The following RNF6 variants were observed in gnomAD, a reference collection of about 807,000 sequenced individuals.
RNF6 encodes the protein E3 ubiquitin-protein ligase RNF6.
Under a neutral mutation model 50.1 loss-of-function variants are expected in RNF6, and 21 were observed. The ratio of observed to expected loss-of-function variants is 0.42; its 90% confidence interval spans 0.30 to 0.60. The LOEUF (loss-of-function observed/expected upper bound fraction) is 0.60, where lower values mean the gene tolerates loss of function less well. Among genes scored for constraint, RNF6 ranks in the 20% least tolerant of loss-of-function variants. The pLI, the probability that RNF6 is intolerant of heterozygous loss-of-function variation, is 0.20. For synonymous variants in RNF6, 255 were observed against 291.8 expected (o/e 0.87, Z 1.29); for missense variants, 698 against 838.2 (o/e 0.83, Z 2.07).
chr13:26,164,029 G>GA (rs940309790), intron 5 of RNF6, among the ~76,000 whole-genome samples: 19 of 152,058 alleles, frequency 1.2e-4, no homozygotes, highest in South Asian at 2.1e-4. Flanking sequence ...TAATTCACTG[G>GA]AAAAAATACT....
At chr13:26,173,560 G>A (rs908482008) in intron 5 of RNF6, among the ~76,000 whole-genome samples, 1 of 152,030 alleles carries the variant, frequency 6.6e-6, no homozygotes, top group East Asian at 1.9e-4. Context: ...AAAATTTCAG[G>A]CCTAAAAAAC....
downstream of RNF6, among the ~76,000 whole-genome samples, chr13:26,209,592 A>G (rs9581590): frequency 3.3e-5 from 5 of 152,200 alleles, no homozygotes; most frequent in Non-Finnish European, 7.3e-5. Context: ...GACACTACCT[A>G]GAAAACCTGA....
chr13:26,219,444 A>G lies in RNF6; in HGVS notation c.193+13T>C, dbSNP rs376531500. The G allele has an allele frequency of 1.5e-5, 24 of 1,581,584 alleles. No individual in the cohort carries two copies. In the African/African-American group the frequency reaches 2.7e-4, roughly 18 times the overall value. On this transcript the variant is annotated intron_variant, in intron 3 of 4. Transcript: ENST00000381588. The stretch of plus-strand genomic sequence containing the variant: ...ATGAAAAAAGGGTGTTTCCTCTTTT[A>G]CCCATCTCTTACCAGGGGTGCCTAA...
At chr13:26,196,433 CTG>C (rs1197150398) in intron 5 of RNF6, among the ~76,000 whole-genome samples, 1 of 152,168 alleles carries the variant, frequency 6.6e-6, no homozygotes, top group South Asian at 2.1e-4. Context: ...GGTGGATCAT[CTG>C]AGGTTAGGAG....
intron 5 of RNF6, among the ~76,000 whole-genome samples, chr13:26,178,726 A>G (rs1486580589): frequency 1.3e-5 from 2 of 151,610 alleles, no homozygotes; most frequent in East Asian, 3.9e-4. Context: ...TGTATATTAG[A>G]TCTCCAGAAT....
rs1408245032 is a variant in RNF6, at chr13:26,218,505, T to C, written c.289+6A>G. Reference sequence around the variant, plus strand: ...CCTGTTCCTTATGGAAAGGACTCCATAGTACCTCTGTAATTCGTTCCATCT... The same window carrying C: ...CCTGTTCCTTATGGAAAGGACTCCACAGTACCTCTGTAATTCGTTCCATCT... On this transcript the variant is annotated splice_donor_region_variant and intron_variant, in intron 4 of 4. Transcript: ENST00000381588. 2 of 1,608,918 alleles carry C rather than the reference T, an allele frequency of 1.2e-6. No homozygotes were observed. The highest frequency in any genetic ancestry group is 1.7e-6 in the Non-Finnish European group (2 of 1,175,374).
intron 5 of RNF6, among the ~76,000 whole-genome samples, chr13:26,162,160 C>T (rs80220761): frequency 0.12 from 18,082 of 151,998 alleles, 1,420 homozygotes; most frequent in Admixed American, 0.2. Flanking sequence ...AAAAACTAAC[C>T]AACGCAGAGC....
chr13:26,151,613 CTTTTTTTCTTTTTT>C (rs1278301986), intron 5 of RNF6, among the ~76,000 whole-genome samples: 2 of 40,526 alleles, frequency 4.9e-5, no homozygotes, highest in Non-Finnish European at 1.2e-4. Flanking sequence ...TCCTTTTTTT[CTTTTTTTCTTTTTT>C]TTTTTTTGGC....
chr13:26,178,917 A>G (rs993192882), intron 5 of RNF6, among the ~76,000 whole-genome samples: 5 of 152,164 alleles, frequency 3.3e-5, no homozygotes, highest in Non-Finnish European at 5.9e-5. Context: ...TATTTCACTT[A>G]GTATAATGTC....
chr13:26,195,382 A>G (rs1868621514), intron 5 of RNF6, among the ~76,000 whole-genome samples: 1 of 152,224 alleles, frequency 6.6e-6, no homozygotes, highest in Admixed American at 6.5e-5. Flanking sequence ...AAAAACCAGA[A>G]TATTCAAGGA....
intron 5 of RNF6, among the ~76,000 whole-genome samples, chr13:26,198,931 A>T (rs927951838): frequency 6.6e-6 from 1 of 151,988 alleles, no homozygotes; most frequent in South Asian, 2.1e-4. Context: ...AACAAGATGT[A>T]CAAAACACAC....
At chr13:26,212,439 C>T (rs146885535), downstream of RNF6, among the ~76,000 whole-genome samples, 617 of 152,226 alleles carry the variant, frequency 4.1e-3, 3 homozygotes, top group African/African-American at 0.014. Flanking sequence ...TGAACATAGT[C>T]ACCAGTCAGA....
intron 5 of RNF6, among the ~76,000 whole-genome samples, chr13:26,170,813 A>AT (rs1872665162): frequency 6.6e-6 from 1 of 152,258 alleles, no homozygotes; most frequent in African/African-American, 2.4e-5. Flanking sequence ...GAGAAAGGGA[A>AT]TATTGGAGCC....
At chr13:26,192,198 T>C (rs1868489618) in intron 5 of RNF6, among the ~76,000 whole-genome samples, 1 of 152,230 alleles carries the variant, frequency 6.6e-6, no homozygotes, top group Non-Finnish European at 1.5e-5. Context: ...ATCACTCTTA[T>C]TTTTATATTG....
rs781464005 is a variant in RNF6, at chr13:26,215,322, T to A, written c.560A>T (p.Gln187Leu). The A allele has an allele frequency of 1.9e-6, 3 of 1,614,228 alleles. No homozygotes were observed. The highest frequency in any genetic ancestry group is 8.5e-7 in the Non-Finnish European group (1 of 1,180,048). The change falls in exon 5 of 5, where the codon CAA (glutamine) becomes CTA (leucine). Residue 187 changes from glutamine (Q) to leucine (L), a missense_variant. Transcript: ENST00000381588. ...SNRDHTANRQ[Q>L]RSTSPVARRT... ...CCTAGCCACAGGACTAGTTGACCTT[T>A]GTTGCCTATTTGCAGTATGATCTCT...
At chr13:26,184,018 ATTTTTTTT>A (rs1169961717) in intron 5 of RNF6, among the ~76,000 whole-genome samples, 1,268 of 33,268 alleles carry the variant, frequency 0.038, 3 homozygotes, top group African/African-American at 0.06. Flanking sequence ...ATATATATAT[ATTTTTTTT>A]TTTTTTTTTT....
At position 26,222,313 on chromosome 13, in the gene RNF6, C is replaced by T. The variant is rs535212057; in HGVS notation, c.-412G>A. On this transcript the variant is annotated 5_prime_UTR_variant, in exon 1 of 5. Coordinates refer to ENST00000381588, the MANE Select transcript of RNF6 (RefSeq NM_005977.4). ...GCCGGCCCGGAGCTCGCCCGTGCAA[C>T]TGAAAACTGCGTCCGTCGGGAGCTA... The T allele has an allele frequency of 9.2e-5, 14 of 152,448 alleles. No homozygotes were observed. Among genetic ancestry groups the T allele is most frequent in the African/African-American group, 3.4e-4 (14 of 41,588 alleles). 9.4% of individuals were successfully genotyped at this position (152,448 alleles called of 1,614,324 possible). A position where few individuals can be genotyped will look rare whatever the true frequency, so the allele number is the denominator to read the frequency against.
chr13:26,219,250 G>A lies in RNF6; in HGVS notation c.193+207C>T, dbSNP rs1870218444. ...CTTAGTTTGGCATTTGTATAATAGT[G>A]CTCCATGTCCCCTATTTTCACCTTA... On this transcript the variant is annotated intron_variant, in intron 3 of 4. Coordinates refer to ENST00000381588, the MANE Select transcript of RNF6 (RefSeq NM_005977.4). 4.2e-5 allele frequency: 20 copies of A among 475,288 alleles called. No homozygotes were observed. In the South Asian group the frequency reaches 8.1e-4, roughly 19 times the overall value. The allele number at this position is 475,288 out of a possible 1,614,324, so 29.4% of individuals were successfully genotyped here.
chr13:26,151,105 G>T (rs1009043414), intron 5 of RNF6, among the ~76,000 whole-genome samples: 1 of 152,172 alleles, frequency 6.6e-6, no homozygotes, highest in Non-Finnish European at 1.5e-5. Context: ...ACACTATCAC[G>T]TGATAGAAAA....
Sources: allele counts gnomAD v4.1 joint callset (sites outside exome capture counted in the v4.1 genomes callset), GRCh38; gene constraint gnomAD v4.1.1; transcripts MANE v1.5; gene names NCBI Gene and HGNC (gene_info 2026-07-23, HGNC 2026-07-21).